SLA2: variants seen among roughly 807,000 people sequenced by gnomAD.
SLA2 encodes the protein src-like-adapter 2.
Under a neutral mutation model 27.3 loss-of-function variants are expected in SLA2, and 22 were observed. The observed-to-expected ratio is 0.81, with a 90% CI of 0.58 to 1.15. The LOEUF (loss-of-function observed/expected upper bound fraction) is 1.15, where lower values mean the gene tolerates loss of function less well. Ranked by LOEUF, SLA2 falls within the 50% of genes most tolerant of loss-of-function variation. The probability of loss-of-function intolerance (pLI) is 0.00; values close to 1 mark genes in which losing one functional copy is unlikely to be tolerated. For synonymous variants in SLA2, 131 were observed against 137.8 expected, an observed-to-expected ratio of 0.95 and a Z score of 0.34; for missense variants, 304 against 322.2, an observed-to-expected ratio of 0.94 and a Z score of 0.43.
At chr20:36,635,638 CCTCTGAGGT>C (rs747721008) in intron 2 of SLA2, among the ~76,000 whole-genome samples, 17 of 152,106 alleles carry the variant, frequency 1.1e-4, no homozygotes, top group Non-Finnish European at 1.8e-4. Context: ...AGGGGTCTGT[CCTCTGAGGT>C]CTCTGAGGCA....
At chr20:36,641,812 C>T (rs377529178) in intron 1 of SLA2, among the ~76,000 whole-genome samples, 9 of 151,870 alleles carry the variant, frequency 5.9e-5, no homozygotes, top group African/African-American at 2.2e-4. Flanking sequence ...GGGACAATGA[C>T]AGGACAGTGA....
intron 5 of SLA2, among the ~76,000 whole-genome samples, chr20:36,617,124 G>C (rs530685607): frequency 7.9e-5 from 12 of 151,412 alleles, no homozygotes; most frequent in Admixed American, 2.0e-4. Context: ...TTGGGAGGCC[G>C]AGGTGGGCGG....
In SLA2 at chr20:36,612,582, CT is replaced by C. The variant is rs1186020554; in HGVS notation, c.*1283del. ...ACCTGTTGATGATACCTGATAAAGC[CT>C]TTCCCACCCCACCTGTAGCTTGGGA... is the stretch of plus-strand genomic sequence containing the variant. On this transcript the variant is annotated 3_prime_UTR_variant, in exon 8 of 8. Transcript: ENST00000262866. 11 of 287,812 alleles carry C rather than the reference CT, an allele frequency of 3.8e-5. No individual in the cohort carries two copies. Among genetic ancestry groups the C allele is most frequent in the Non-Finnish European group, 7.5e-5 (11 of 146,266 alleles). The allele number at this position is 287,812 out of a possible 1,614,324, so 17.8% of individuals were successfully genotyped here.
chr20:36,627,736 C>A (rs2039354083), intron 5 of SLA2, among the ~76,000 whole-genome samples: 1 of 152,194 alleles, frequency 6.6e-6, no homozygotes, highest in Admixed American at 6.5e-5. Flanking sequence ...AGATTTGGGG[C>A]CTGACTAGAG....
intron 2 of SLA2, among the ~76,000 whole-genome samples, chr20:36,638,742 G>C (rs1487918129): frequency 6.6e-6 from 1 of 152,230 alleles, no homozygotes. Context: ...GAAGTAGTGT[G>C]ATCTTGTTAT....
chr20:36,614,100 G>T, intron 7 of SLA2, 114 bp from the exon 8 acceptor site: 4 of 1,504,050 alleles, frequency 2.7e-6, no homozygotes, highest in Non-Finnish European at 3.6e-6. Context: ...GACCTCATGG[G>T]GCTCCCCTGT....
intron 2 of SLA2, among the ~76,000 whole-genome samples, chr20:36,637,905 T>G (rs2039468881): frequency 6.9e-6 from 1 of 145,738 alleles, no homozygotes; most frequent in Non-Finnish European, 1.5e-5. Context: ...TTTTTTTTTT[T>G]TGAGACAGAG....
chr20:36,629,704 G>A (rs952645819), intron 5 of SLA2, among the ~76,000 whole-genome samples: 5 of 152,112 alleles, frequency 3.3e-5, no homozygotes, highest in Non-Finnish European at 7.4e-5. Flanking sequence ...AACCCAGGAC[G>A]TGGAGGTTGC....
At chr20:36,614,081 CCTG>C (rs1285036963) in intron 7 of SLA2, 95 bp from the exon 8 acceptor site, 7 of 1,548,334 alleles carry the variant, frequency 4.5e-6, no homozygotes, top group Non-Finnish European at 6.1e-6. Context: ...ACCCTTCACT[CCTG>C]CTGAGGACCT....
At chr20:36,622,840 T>A (rs2039298448) in intron 5 of SLA2, among the ~76,000 whole-genome samples, 1 of 152,180 alleles carries the variant, frequency 6.6e-6, no homozygotes, top group Non-Finnish European at 1.5e-5. Context: ...AAATCCTTAA[T>A]CACATCTGCA....
chr20:36,621,458 T>C (rs751559646), intron 5 of SLA2: 1 of 439,166 alleles, frequency 2.3e-6, no homozygotes, highest in Non-Finnish European at 4.4e-6. Flanking sequence ...TTGTTTTTTT[T>C]TTGAGACGGA....
chr20:36,633,432 G>A (rs2039412311), intron 4 of SLA2, 111 bp downstream of exon 4: 4 of 907,136 alleles, frequency 4.4e-6, no homozygotes, highest in East Asian at 2.4e-5. Flanking sequence ...ACCTGGGTTC[G>A]ATTCTCCCCC....
chr20:36,643,991 C>T (rs1484380935), intron 1 of SLA2, among the ~76,000 whole-genome samples: 1 of 151,946 alleles, frequency 6.6e-6, no homozygotes, highest in Non-Finnish European at 1.5e-5. Context: ...GCTTGCTGCT[C>T]CCTCCGTATG....
intron 5 of SLA2, among the ~76,000 whole-genome samples, chr20:36,630,995 C>A (rs1184089646): frequency 6.6e-6 from 1 of 152,140 alleles, no homozygotes; most frequent in Non-Finnish European, 1.5e-5. Context: ...ATCCTGTCAC[C>A]ATTTTAATGT....
chr20:36,614,002 G>C lies in SLA2; in HGVS notation c.666-16C>G, dbSNP rs2039174035. On this transcript the variant is annotated splice_polypyrimidine_tract_variant and intron_variant, in intron 7 of 7. Coordinates refer to ENST00000262866, the MANE Select transcript of SLA2 (RefSeq NM_032214.4). Reference sequence around the variant, plus strand: ...CAGGAGGGAGCTGTGGACAAAGGAAGATAATTGGGTCAAGAAGCCTCTTCC... The same window carrying C: ...CAGGAGGGAGCTGTGGACAAAGGAACATAATTGGGTCAAGAAGCCTCTTCC... 1.2e-6 allele frequency: 2 copies of C among 1,612,894 alleles called. No individual in the cohort carries two copies. Among genetic ancestry groups the C allele is most frequent in the African/African-American group, 1.3e-5 (1 of 74,938 alleles).
rs1302431008 is a variant in SLA2, at chr20:36,633,768, T to C, written c.192-139A>G. 9.2e-6 allele frequency: 6 copies of C among 654,582 alleles called. No homozygotes were observed. The African/African-American group carries it at 1.1e-4, about 12-fold the overall frequency. 40.5% of individuals were successfully genotyped at this position (654,582 alleles called of 1,614,324 possible). ...GCCTGTTTCCCAGGCTTCCCTGCACTAGCCTGTCCAGGTACCTCCTGAGTC... is the reference window on the plus strand; with the variant it reads ...GCCTGTTTCCCAGGCTTCCCTGCACCAGCCTGTCCAGGTACCTCCTGAGTC... On this transcript the variant is annotated intron_variant, in intron 3 of 7. Transcript: ENST00000262866.
rs755361734 is a variant in SLA2 at position 36,632,604 on chromosome 20, T to A, written c.373A>T (p.Thr125Ser). The stretch of plus-strand genomic sequence containing the variant: ...CACCGAGCTTACTCACCTCTCCTGG[T>A]CTGGCTCTCCCGGATGAGGAAGGCC... ...GGAFLIRESQ[T>S]RRGSYSLSVR... The change falls in exon 5 of 8, where the codon ACC (threonine) becomes TCC (serine). Residue 125 changes from threonine to serine, a missense_variant. Transcript: ENST00000262866. The A allele has an allele frequency of 1.4e-5, 22 of 1,613,862 alleles. No homozygotes were observed. The South Asian group carries it at 2.3e-4, about 17-fold the overall frequency.
At chr20:36,636,623 A>AAAAAT (rs1387991352) in intron 2 of SLA2, among the ~76,000 whole-genome samples, 34 of 114,684 alleles carry the variant, frequency 3.0e-4, no homozygotes, top group South Asian at 2.5e-3. Context: ...AAAAAAAAAA[A>AAAAAT]ATATATATAT....
At chr20:36,624,331 AT>A (rs752976978) in intron 5 of SLA2, among the ~76,000 whole-genome samples, 25 of 151,976 alleles carry the variant, frequency 1.6e-4, no homozygotes, top group Non-Finnish European at 3.2e-4. Context: ...CACTCCCCTC[AT>A]CCTGTCTTCC....
Sources: allele counts gnomAD v4.1 joint callset (sites outside exome capture counted in the v4.1 genomes callset), GRCh38; gene constraint gnomAD v4.1.1; transcripts MANE v1.5; gene names NCBI Gene and HGNC (gene_info 2026-07-23, HGNC 2026-07-21).